SHMT1: variants seen among roughly 807,000 people sequenced by gnomAD.
SHMT1 encodes serine hydroxymethyltransferase, cytosolic.
SHMT1 carries 45 observed loss-of-function variants against 49.0 expected under a neutral mutation model. That is an observed-to-expected ratio of 0.92 (90% CI 0.72 to 1.18). The LOEUF (loss-of-function observed/expected upper bound fraction) is 1.18, where lower values mean the gene tolerates loss of function less well. Among genes scored for constraint, SHMT1 ranks in the 50% most tolerant of loss-of-function variants. The pLI, the probability that SHMT1 is intolerant of heterozygous loss-of-function variation, is 0.00. For missense variants in SHMT1, 541 were observed against 612.4 expected (o/e 0.88, Z 1.23); for synonymous variants, 232 against 246.6 (o/e 0.94, Z 0.55).
chr17:18,339,741 T>C (rs561262403), intron 7 of SHMT1, among the ~76,000 whole-genome samples: 46 of 152,274 alleles, frequency 3.0e-4, no homozygotes, highest in African/African-American at 1.1e-3. Context: ...TTCGTGTTTT[T>C]AGTAGAGACG....
chr17:18,354,799 G>A (rs1311924457), intron 2 of SHMT1, among the ~76,000 whole-genome samples: 1 of 151,222 alleles, frequency 6.6e-6, no homozygotes, highest in African/African-American at 2.4e-5. Context: ...CAGCACTTTG[G>A]GAGGCCGAGA....
intron 5 of SHMT1, among the ~76,000 whole-genome samples, chr17:18,347,069 T>C (rs751717538): frequency 6.6e-6 from 1 of 152,324 alleles, no homozygotes; most frequent in Non-Finnish European, 1.5e-5. Flanking sequence ...GACGTTGCCA[T>C]GCCTGTAGCT....
intron 8 of SHMT1, 182 bp from the exon 9 acceptor site, chr17:18,333,470 T>G: frequency 7.9e-6 from 2 of 252,462 alleles, no homozygotes; most frequent in Non-Finnish European, 1.4e-5. Context: ...TATTTATTAT[T>G]TTTATTTTTT....
intron 8 of SHMT1, among the ~76,000 whole-genome samples, chr17:18,334,380 C>T (rs944715074): frequency 5.9e-5 from 9 of 152,212 alleles, no homozygotes; most frequent in East Asian, 1.9e-4. Flanking sequence ...TGAGCCACCG[C>T]GCCCAGCTGA....
At chr17:18,358,287 C>T (rs554385738) in intron 1 of SHMT1, among the ~76,000 whole-genome samples, 16 of 150,878 alleles carry the variant, frequency 1.1e-4, no homozygotes, top group African/African-American at 3.4e-4. Flanking sequence ...GTCAGGAGAT[C>T]GAGACCATCC....
chr17:18,330,929 T>C, intron 9 of SHMT1: 1 of 492,846 alleles, frequency 2.0e-6, no homozygotes, highest in South Asian at 2.0e-5. Context: ...AAGGGACAGC[T>C]TCCTCAGGCT....
rs1470416954 is a variant in SHMT1 at position 18,338,932 on chromosome 17, T to G, written c.814+1111A>C. ...GCGGAAAGCCGCAGGGTCCTCTGCC[T>G]AGGAAAACCAGAGACCCTTGTTCAC... On this transcript the variant is annotated intron_variant, in intron 7 of 11. Transcript: ENST00000316694. 2.0e-5 allele frequency among the ~76,000 whole-genome samples: 3 copies of G among 151,706 alleles called. No homozygotes were observed. The East Asian group carries it at 5.8e-4, about 30-fold the overall frequency.
At chr17:18,355,530 A>C (rs1451204590) in intron 2 of SHMT1, among the ~76,000 whole-genome samples, 1 of 152,002 alleles carries the variant, frequency 6.6e-6, no homozygotes, top group African/African-American at 2.4e-5. Context: ...ACAAGAGTGA[A>C]ACTCTGTCTC....
chr17:18,340,177 G>A lies in SHMT1; in HGVS notation c.680C>T (p.Ala227Val), dbSNP rs769339714. ...CAGCCCGCTGATGTGAGCCATGTCC[G>A]CCATGAGATACGCCCCGTTCTCATC... ...IADENGAYLM[A>V]DMAHISGLVA... is the part of the protein sequence containing the mutation. The change falls in exon 7 of 12, where the codon GCG becomes GTG. Residue 227 changes from alanine to valine, a missense_variant. Transcript: ENST00000316694. The surrounding 1 kb of genome is among the most constrained non-coding windows in gnomAD (Gnocchi z 4.5). 20 of 1,614,086 alleles carry A rather than the reference G, an allele frequency of 1.2e-5. No individual in the cohort carries two copies. Among genetic ancestry groups the A allele is most frequent in the African/African-American group, 6.7e-5 (5 of 74,938 alleles).
At chr17:18,356,943 A>G (rs1171825855) in intron 1 of SHMT1, among the ~76,000 whole-genome samples, 1 of 152,048 alleles carries the variant, frequency 6.6e-6, no homozygotes, top group Admixed American at 6.6e-5. Flanking sequence ...ACTGAGTGCT[A>G]CTTTTTAAAA....
chr17:18,332,930 G>A (rs1377168771), intron 9 of SHMT1: 4 of 588,336 alleles, frequency 6.8e-6, no homozygotes, highest in Non-Finnish European at 1.3e-5. Flanking sequence ...TCCTTATGCT[G>A]GTGACCAATG....
intron 7 of SHMT1, among the ~76,000 whole-genome samples, chr17:18,338,560 T>C (rs920047967): frequency 1.3e-5 from 2 of 152,214 alleles, no homozygotes; most frequent in African/African-American, 4.8e-5. Context: ...CTGGGAGGTG[T>C]ACCCAACAGC....
At chr17:18,357,956 C>T (rs1216938831) in intron 1 of SHMT1, among the ~76,000 whole-genome samples, 1 of 150,046 alleles carries the variant, frequency 6.7e-6, no homozygotes, top group African/African-American at 2.4e-5. Context: ...CTCCACCTCC[C>T]GGGTTCATGC....
At chr17:18,342,292 C>G (rs1222670275) in intron 5 of SHMT1, among the ~76,000 whole-genome samples, 2 of 152,056 alleles carry the variant, frequency 1.3e-5, no homozygotes, top group Non-Finnish European at 2.9e-5. Context: ...TGAAATACGC[C>G]AGGCTCAGAC....
chr17:18,329,046 T>C (rs1982878041), intron 11 of SHMT1, 127 bp from the exon 12 acceptor site: 2 of 1,224,812 alleles, frequency 1.6e-6, no homozygotes, highest in Non-Finnish European at 2.4e-6. Flanking sequence ...AAGGTCTCCA[T>C]GCTTACCTCA....
rs117790544 is a variant in SHMT1, at chr17:18,339,408, T to C, written c.814+635A>G. Reference sequence around the variant, plus strand: ...GCCCCCAGCCAGCCATGCACCCTCCTTTCATTCAAACACCTGCCTCTCGAG... The same window carrying C: ...GCCCCCAGCCAGCCATGCACCCTCCCTTCATTCAAACACCTGCCTCTCGAG... On this transcript the variant is annotated intron_variant, in intron 7 of 11. Transcript: ENST00000316694. Among the ~76,000 whole-genome samples, 33 of 152,218 alleles carry C rather than the reference T, an allele frequency of 2.2e-4. No homozygotes were observed. The East Asian group carries it at 3.9e-3, about 18-fold the overall frequency.
chr17:18,341,358 G>A (rs1409074980), intron 5 of SHMT1: 1 of 171,688 alleles, frequency 5.8e-6, no homozygotes, highest in Non-Finnish European at 1.3e-5. Context: ...CAAGAAGTAG[G>A]GGCTGGGCGC....
chr17:18,338,545 C>A (rs1984108337), intron 7 of SHMT1, among the ~76,000 whole-genome samples: 1 of 152,198 alleles, frequency 6.6e-6, no homozygotes, highest in Non-Finnish European at 1.5e-5. Flanking sequence ...CAGCCGCCAC[C>A]CCGTCTGGGA....
chr17:18,340,798 C>T lies in SHMT1; in HGVS notation c.535G>A (p.Gly179Ser). 1 of 1,613,390 alleles carries T rather than the reference C, an allele frequency of 6.2e-7. No homozygotes were observed. The highest frequency in any genetic ancestry group is 8.5e-7 in the Non-Finnish European group (1 of 1,179,742). ...SMPYKVNPDT[G>S]YINYDQLEEN... ...TCCAGCTGGTCATAGTTGATGTAGC[C>T]AGTATCTGGGTTCACCTGTGGAATG... Residue 179 changes from glycine (G) to serine (S), a missense_variant, in exon 6 of 12, where the codon GGC (glycine) becomes AGC (serine). Transcript: ENST00000316694. This position sits in a 1 kb window ranked among gnomAD's most constrained non-coding sequence, Gnocchi z 4.5.
Sources: allele counts gnomAD v4.1 joint callset (sites outside exome capture counted in the v4.1 genomes callset), GRCh38; gene constraint gnomAD v4.1.1; non-coding constraint Gnocchi (gnomAD v3.1); transcripts MANE v1.5; gene names NCBI Gene and HGNC (gene_info 2026-07-23, HGNC 2026-07-21).